RASGEF1C: variants seen among roughly 807,000 people sequenced by gnomAD.
RASGEF1C encodes the protein ras-GEF domain-containing family member 1C.
RASGEF1C carries 27 observed loss-of-function variants against 58.1 expected under a neutral mutation model. The observed-to-expected ratio is 0.46, with a 90% CI of 0.34 to 0.64. RASGEF1C has a LOEUF of 0.64. Among genes scored for constraint, RASGEF1C ranks in the 30% least tolerant of loss-of-function variants. The probability of loss-of-function intolerance (pLI) is 0.01; values close to 1 mark genes in which losing one functional copy is unlikely to be tolerated. For synonymous variants in RASGEF1C, 243 were observed against 246.3 expected, an observed-to-expected ratio of 0.99 and a Z score of 0.13; for missense variants, 502 against 605.1, an observed-to-expected ratio of 0.83 and a Z score of 1.79.
chr5:180,154,675 G>A (rs955270207), intron 1 of RASGEF1C, among the ~76,000 whole-genome samples: 1 of 151,364 alleles, frequency 6.6e-6, no homozygotes, highest in Non-Finnish European at 1.5e-5. Context: ...CTGCCTCCCA[G>A]GTTCACGCCA....
intron 1 of RASGEF1C, among the ~76,000 whole-genome samples, chr5:180,166,001 G>A (rs917229943): frequency 6.6e-5 from 10 of 151,642 alleles, no homozygotes; most frequent in African/African-American, 1.9e-4. Context: ...TGCCCGCCTC[G>A]GCTTCCTAAA....
intron 1 of RASGEF1C, among the ~76,000 whole-genome samples, chr5:180,192,752 T>A (rs200089262): frequency 3.7e-5 from 1 of 26,968 alleles, no homozygotes; most frequent in Non-Finnish European, 1.4e-4. Context: ...TGTTTTTTGT[T>A]TTTTTTTTTT....
chr5:180,120,525 G>A (rs531167958), intron 7 of RASGEF1C, among the ~76,000 whole-genome samples: 1 of 152,274 alleles, frequency 6.6e-6, no homozygotes, highest in East Asian at 1.9e-4. Flanking sequence ...GGGTTCAGAG[G>A]AGGGTCCCTC....
chr5:180,114,565 G>A lies in RASGEF1C; in HGVS notation c.1084-24C>T, dbSNP rs749245240. The A allele has an allele frequency of 3.9e-5, 62 of 1,591,914 alleles. No individual in the cohort carries two copies. The Middle Eastern group carries it at 1.8e-3, about 47-fold the overall frequency. On this transcript the variant is annotated intron_variant, in intron 10 of 13. Transcript: ENST00000361132. ...ATCTGGAAGAAAGAGGGGGCAGGTC[G>A]GCCCCAGCCGGCCCTCCACACAGCG...
intron 7 of RASGEF1C, 57 bp from the exon 8 acceptor site, chr5:180,119,505 G>A: frequency 7.3e-7 from 1 of 1,360,714 alleles, no homozygotes; most frequent in Non-Finnish European, 1.0e-6. Flanking sequence ...GCCCTGATCA[G>A]GCCCGCTCCC....
At chr5:180,190,476 T>G (rs184088405) in intron 1 of RASGEF1C, among the ~76,000 whole-genome samples, 2 of 90,592 alleles carry the variant, frequency 2.2e-5, no homozygotes, top group Admixed American at 2.6e-4. Flanking sequence ...GGTGACAGAG[T>G]GAGACTCCGT....
Position 180,209,125 on chromosome 5 carries a change from G to GCCGCCGCCGACCGGGGCGCCGC in RASGEF1C, c.-105_-104insGCGGCGCCCCGGTCGGCGGCGG, listed in dbSNP as rs1248661855. ...CGGGGCGCCGCCCGCCGCCGCCGCC[G>GCCGCCGCCGACCGGGGCGCCGC]CCGCCGCCGCCGCCGCCGCCGCCGC... On this transcript the variant is annotated 5_prime_UTR_variant, in exon 1 of 14. Transcript: ENST00000361132. 0.022 allele frequency: 197 copies of GCCGCCGCCGACCGGGGCGCCGC among 9,090 alleles called. 1 individual carries two copies. Among genetic ancestry groups the GCCGCCGCCGACCGGGGCGCCGC allele is most frequent in the Non-Finnish European group, 0.034 (97 of 2,814 alleles). 0.6% of individuals were successfully genotyped at this position (9,090 alleles called of 1,614,324 possible). A position where few individuals can be genotyped will look rare whatever the true frequency, so the allele number is the denominator to read the frequency against.
intron 12 of RASGEF1C, among the ~76,000 whole-genome samples, chr5:180,105,478 T>C (rs1201290887): frequency 2.0e-5 from 3 of 151,132 alleles, no homozygotes; most frequent in Non-Finnish European, 4.4e-5. Flanking sequence ...AGGAGAATGG[T>C]GTGAACCCGG....
intron 1 of RASGEF1C, among the ~76,000 whole-genome samples, chr5:180,172,901 T>C (rs1245637593): frequency 6.6e-6 from 1 of 152,204 alleles, no homozygotes; most frequent in East Asian, 1.9e-4. Flanking sequence ...TTGCCCATGC[T>C]CTATCCTCTT....
Position 180,111,588 on chromosome 5 carries a change from G to A in RASGEF1C, c.1180-8C>T. The A allele has an allele frequency of 6.2e-7, 1 of 1,614,116 alleles. No homozygotes were observed. Among genetic ancestry groups the A allele is most frequent in the East Asian group, 2.2e-5 (1 of 44,868 alleles). ...GGCCAGCTCCAGGAATTTCTGCCAGGGTCACAGAGACACAGAATGGAGGCA... is the reference window on the plus strand; with the variant it reads ...GGCCAGCTCCAGGAATTTCTGCCAGAGTCACAGAGACACAGAATGGAGGCA... On this transcript the variant is annotated splice_region_variant and splice_polypyrimidine_tract_variant and intron_variant, in intron 11 of 13. Transcript: ENST00000361132.
At chr5:180,120,636 G>A (rs1172334135) in intron 7 of RASGEF1C, among the ~76,000 whole-genome samples, 1 of 152,204 alleles carries the variant, frequency 6.6e-6, no homozygotes, top group Non-Finnish European at 1.5e-5. Context: ...CTTTCCAGGA[G>A]CAGCTAGAAC....
At position 180,156,930 on chromosome 5, in the gene RASGEF1C, CAT is replaced by C. The variant is rs1408828369; in HGVS notation, c.-6-18874_-6-18873del. Among the ~76,000 whole-genome samples, 3 of 152,206 alleles carry C rather than the reference CAT, an allele frequency of 2.0e-5. No homozygotes were observed. Among genetic ancestry groups the C allele is most frequent in the Admixed American group, 6.5e-5 (1 of 15,278 alleles). ...AAGCATTTACAAAGGTGCTTCACAT[CAT>C]ATGTCATCAGGGAAATGCAAATTAG... On this transcript the variant is annotated intron_variant, in intron 1 of 13. Coordinates refer to ENST00000361132, the MANE Select transcript of RASGEF1C (RefSeq NM_175062.4). This position sits in a 1 kb window ranked among gnomAD's most constrained non-coding sequence, Gnocchi z 4.9.
intron 1 of RASGEF1C, among the ~76,000 whole-genome samples, chr5:180,194,519 C>T (rs1278660669): frequency 6.6e-6 from 1 of 152,216 alleles, no homozygotes; most frequent in African/African-American, 2.4e-5. Context: ...AGCTGTCACA[C>T]TCTCGCCTCA....
intron 1 of RASGEF1C, among the ~76,000 whole-genome samples, chr5:180,144,500 G>A (rs377495336): frequency 6.1e-4 from 92 of 152,060 alleles, no homozygotes; most frequent in African/African-American, 2.1e-3. Context: ...TTAGGTTGAC[G>A]TAATGTCACA....
At chr5:180,152,494 A>G (rs1240875489) in intron 1 of RASGEF1C, among the ~76,000 whole-genome samples, 1 of 144,258 alleles carries the variant, frequency 6.9e-6, no homozygotes, top group Non-Finnish European at 1.5e-5. Context: ...GTTCTCACTC[A>G]TAGGTGGGAA....
intron 1 of RASGEF1C, among the ~76,000 whole-genome samples, chr5:180,138,767 T>C (rs1466761549): frequency 6.6e-6 from 1 of 152,154 alleles, no homozygotes; most frequent in African/African-American, 2.4e-5. Context: ...TCACACCCCA[T>C]TGCTCTTGGC....
rs763271495 is a variant in RASGEF1C, at chr5:180,118,584, C to A, written c.1083+25G>T. 14 of 1,580,924 alleles carry A rather than the reference C, an allele frequency of 8.9e-6. No homozygotes were observed. In the East Asian group the frequency reaches 2.9e-4, roughly 33 times the overall value. On this transcript the variant is annotated intron_variant, in intron 10 of 13. Coordinates refer to ENST00000361132, the MANE Select transcript of RASGEF1C (RefSeq NM_175062.4). ...ACCCAGGTTCCCTGCTGCAGCCCCC[C>A]TGGGCCAACGTGGCCCCGACCTACC... is the stretch of plus-strand genomic sequence containing the variant.
intron 12 of RASGEF1C, among the ~76,000 whole-genome samples, chr5:180,102,917 C>T (rs1485755622): frequency 4.6e-5 from 7 of 152,192 alleles, no homozygotes; most frequent in Non-Finnish European, 7.3e-5. Context: ...AGGAGAATCT[C>T]GTCTCTATCT....
intron 1 of RASGEF1C, among the ~76,000 whole-genome samples, chr5:180,162,827 T>C (rs931991743): frequency 1.3e-5 from 2 of 152,184 alleles, no homozygotes; most frequent in Admixed American, 1.3e-4. Context: ...AACTAATACC[T>C]TTACTACGTT....
Sources: allele counts gnomAD v4.1 joint callset (sites outside exome capture counted in the v4.1 genomes callset), GRCh38; gene constraint gnomAD v4.1.1; non-coding constraint Gnocchi (gnomAD v3.1); transcripts MANE v1.5; gene names NCBI Gene and HGNC (gene_info 2026-07-23, HGNC 2026-07-21).